IL18RAP: variants seen among roughly 807,000 people sequenced by gnomAD.
IL18RAP encodes the protein interleukin-18 receptor accessory protein.
In IL18RAP, 37 loss-of-function variants were observed where a neutral mutation model predicts 58.1. That is an observed-to-expected ratio of 0.64 (90% CI 0.49 to 0.84). The LOEUF (loss-of-function observed/expected upper bound fraction) is 0.84. Ranked by LOEUF, IL18RAP falls within the 40% of genes least tolerant of loss-of-function variation. The pLI, the probability that IL18RAP is intolerant of heterozygous loss-of-function variation, is 0.00. For missense variants in IL18RAP, 667 were observed against 704.8 expected (o/e 0.95, Z 0.61); for synonymous variants, 268 against 257.5 (o/e 1.04, Z -0.39).
At chr2:102,441,821 G>A (rs778687402) in intron 5 of IL18RAP, among the ~76,000 whole-genome samples, 2 of 152,054 alleles carry the variant, frequency 1.3e-5, no homozygotes, top group Admixed American at 1.3e-4. Flanking sequence ...CTGGGAGGCG[G>A]AGGTTACAGT....
chr2:102,428,632 A>C lies in IL18RAP; in HGVS notation c.579+4218A>C, dbSNP rs560458612. ...GTGGAGTCTTTAGAGTTTTCTATAA[A>C]TGAGATCATGTCACCAACAAATAAA... On this transcript the variant is annotated intron_variant, in intron 3 of 9. Transcript: ENST00000687160. Among the ~76,000 whole-genome samples, 9 of 152,076 alleles carry C rather than the reference A, an allele frequency of 5.9e-5. No homozygotes were observed. The South Asian group carries it at 1.9e-3, about 31-fold the overall frequency.
intron 3 of IL18RAP, among the ~76,000 whole-genome samples, chr2:102,425,564 A>G (rs1681887088): frequency 1.3e-5 from 2 of 152,124 alleles, no homozygotes; most frequent in South Asian, 4.1e-4. Flanking sequence ...TAACCTTTAA[A>G]ATGAGGTTAG....
chr2:102,432,249 T>G (rs1430475587), intron 3 of IL18RAP: 1 of 152,574 alleles, frequency 6.6e-6, no homozygotes, highest in Non-Finnish European at 1.5e-5. Flanking sequence ...GAGACCACTT[T>G]CTGAACTCTA....
intron 8 of IL18RAP, among the ~76,000 whole-genome samples, chr2:102,449,262 C>A (rs888664788): frequency 6.6e-6 from 1 of 151,842 alleles, no homozygotes. Flanking sequence ...AGCAAGACTC[C>A]TTTTCAAAAA....
upstream of IL18RAP, chr2:102,419,376 G>A (rs905527536): frequency 2.0e-5 from 3 of 152,118 alleles, no homozygotes; most frequent in South Asian, 2.1e-4. Context: ...ACTATTACAC[G>A]AGACCAAATC....
At position 102,451,945 on chromosome 2, in the gene IL18RAP, T is replaced by A; in HGVS notation, c.1564T>A (p.Ser522Thr). ...IKFCYFQEPE[S>T]LPHLVKKALR... ...GTTCTGTTACTTCCAAGAGCCAGAG[T>A]CTCTACCTCATCTCGTGAAAAAAGC... Residue 522 changes from serine to threonine, a missense_variant, in exon 10 of 10, where the codon TCT (serine) becomes ACT (threonine). By Grantham distance (58) the Ser-to-Thr change is moderately conservative (BLOSUM62 1). Transcript: ENST00000687160. 6.2e-7 allele frequency: 1 copy of A among 1,614,034 alleles called. No individual in the cohort carries two copies. The highest frequency in any genetic ancestry group is 1.3e-5 in the African/African-American group (1 of 74,980).
upstream of IL18RAP, among the ~76,000 whole-genome samples, chr2:102,421,501 T>C (rs1268330884): frequency 6.6e-6 from 1 of 152,160 alleles, no homozygotes; most frequent in Non-Finnish European, 1.5e-5. Context: ...GGAGGACTGT[T>C]CTTTCGGAGA....
chr2:102,446,986 G>GT, intron 7 of IL18RAP, 84 bp from the exon 8 acceptor site: 3 of 1,382,984 alleles, frequency 2.2e-6, no homozygotes, highest in Non-Finnish European at 3.0e-6. Flanking sequence ...AAAGGTGCTG[G>GT]GTGGGCCATA....
At position 102,443,226 on chromosome 2, in the gene IL18RAP, G is replaced by A. The variant is rs1573295441; in HGVS notation, c.823G>A (p.Ala275Thr). 1.2e-6 allele frequency: 2 copies of A among 1,613,318 alleles called. No homozygotes were observed. Among genetic ancestry groups the A allele is most frequent in the East Asian group, 4.5e-5 (2 of 44,850 alleles). The change falls in exon 6 of 10, where the codon GCA becomes ACA. Residue 275 changes from alanine (A) to threonine (T), a missense_variant. Coordinates refer to ENST00000687160, the MANE Select transcript of IL18RAP (RefSeq NM_001393487.1). ...LGKPLTISCK[A>T]RFGFERVFNP... ...AAAGCCTTTAACTATTAGCTGCAAA[G>A]CACGATTTGGCTTTGAAAGGGTCTT...
chr2:102,443,156 C>A (rs377714979), intron 5 of IL18RAP, 44 bp from the exon 6 acceptor site: 3 of 1,583,086 alleles, frequency 1.9e-6, no homozygotes, highest in Non-Finnish European at 8.6e-7. Flanking sequence ...ACAAAGTATT[C>A]TCACCAGCTT....
intron 4 of IL18RAP, 71 bp from the exon 5 acceptor site, chr2:102,441,241 C>T: frequency 2.7e-6 from 3 of 1,108,716 alleles, no homozygotes; most frequent in Non-Finnish European, 1.4e-6. Context: ...TGTGGCTGTG[C>T]ACCTAAATCT....
At chr2:102,420,278 A>G (rs755466893), upstream of IL18RAP, among the ~76,000 whole-genome samples, 1 of 152,160 alleles carries the variant, frequency 6.6e-6, no homozygotes, top group Non-Finnish European at 1.5e-5. Context: ...CTCCCAGATG[A>G]GCGTGGTGGC....
At chr2:102,446,718 G>A (rs1029234085) in intron 7 of IL18RAP, among the ~76,000 whole-genome samples, 1 of 151,188 alleles carries the variant, frequency 6.6e-6, no homozygotes, top group Non-Finnish European at 1.5e-5. Flanking sequence ...GGAGAATGGC[G>A]TGAACCCGGG....
At chr2:102,436,797 G>GTA (rs1171242189) in intron 3 of IL18RAP, among the ~76,000 whole-genome samples, 3 of 114,952 alleles carry the variant, frequency 2.6e-5, no homozygotes, top group Admixed American at 8.1e-5. Context: ...GTGTGTGTAT[G>GTA]TATATATATG....
intron 9 of IL18RAP, among the ~76,000 whole-genome samples, chr2:102,451,409 G>A (rs917999): frequency 0.31 from 46,833 of 151,926 alleles, 7,676 homozygotes; most frequent in African/African-American, 0.38. Flanking sequence ...CCACGCCCTG[G>A]ACACCCTGAG....
chr2:102,425,468 G>T (rs773586040), intron 3 of IL18RAP, among the ~76,000 whole-genome samples: 1 of 152,088 alleles, frequency 6.6e-6, no homozygotes, highest in African/African-American at 2.4e-5. Context: ...GAACGGCATG[G>T]GGTATGGTCT....
At chr2:102,447,436 A>G (rs1683494946) in intron 8 of IL18RAP, among the ~76,000 whole-genome samples, 1 of 152,200 alleles carries the variant, frequency 6.6e-6, no homozygotes, top group African/African-American at 2.4e-5. Context: ...GCCTTCCTCC[A>G]GGTCTAGTGA....
In IL18RAP at chr2:102,445,347, C is replaced by T. The variant is rs2104374453; in HGVS notation, c.1072+7C>T. On this transcript the variant is annotated splice_region_variant and intron_variant, in intron 7 of 9. Transcript: ENST00000687160. The stretch of plus-strand genomic sequence containing the variant: ...CTGAAAGAAAAGAGAGGAGGTAAGC[C>T]CAGAAGGTTGCCCAGGAGGCATGAA... 2.5e-6 allele frequency: 4 copies of T among 1,613,606 alleles called. No homozygotes were observed. The South Asian group carries it at 3.3e-5, about 13-fold the overall frequency.
chr2:102,420,759 A>T (rs1238866998), upstream of IL18RAP, among the ~76,000 whole-genome samples: 1 of 152,210 alleles, frequency 6.6e-6, no homozygotes, highest in Non-Finnish European at 1.5e-5. Flanking sequence ...GGAACTACTG[A>T]TACAGTCCAG....
Sources: gnomAD v4.1 joint callset for allele counts (sites outside exome capture counted in the v4.1 genomes callset) on GRCh38, gnomAD v4.1.1 for gene constraint, MANE v1.5 for transcripts, NCBI Gene and HGNC (gene_info 2026-07-23, HGNC 2026-07-21) for gene names.